TGFB2: variants seen among roughly 807,000 people sequenced by gnomAD.
TGFB2 encodes transforming growth factor beta 2, also known as transforming growth factor beta-2 proprotein.
TGFB2 carries 13 observed loss-of-function variants against 42.7 expected under a neutral mutation model. That is an observed-to-expected ratio of 0.30 (90% CI 0.20 to 0.48). The LOEUF is 0.48. Ranked by LOEUF, TGFB2 falls within the 20% of genes least tolerant of loss-of-function variation. The pLI, the probability that TGFB2 is intolerant of heterozygous loss-of-function variation, is 0.99. For missense variants in TGFB2, 390 were observed against 517.5 expected (o/e 0.75, Z 2.39); for synonymous variants, 193 against 193.6 (o/e 1.00, Z 0.03).
chr1:218,434,483 G>T, intron 4 of TGFB2, 35 bp downstream of exon 4: 1 of 1,326,326 alleles, frequency 7.5e-7, no homozygotes, highest in Non-Finnish European at 1.1e-6. Flanking sequence ...GTGGGGGAGG[G>T]AAGGGTCTAT....
chr1:218,371,510 C>T (rs190911719), intron 1 of TGFB2, among the ~76,000 whole-genome samples: 41 of 152,290 alleles, frequency 2.7e-4, no homozygotes, highest in Admixed American at 6.5e-4. Flanking sequence ...CATTCTCCTC[C>T]AATCAAGATG....
At chr1:218,374,182 A>T (rs1012326389) in intron 1 of TGFB2, among the ~76,000 whole-genome samples, 13 of 152,334 alleles carry the variant, frequency 8.5e-5, no homozygotes, top group Middle Eastern at 3.4e-3. Flanking sequence ...TGTAAATCAG[A>T]GTACATACTT....
chr1:218,366,405 G>C (rs12076065), intron 1 of TGFB2, among the ~76,000 whole-genome samples: 5,769 of 151,998 alleles, frequency 0.038, 236 homozygotes, highest in African/African-American at 0.1. Flanking sequence ...CTCCTGGGCT[G>C]AAGCAATCCT....
chr1:218,394,133 T>G (rs1658414882), intron 1 of TGFB2, among the ~76,000 whole-genome samples: 1 of 152,080 alleles, frequency 6.6e-6, no homozygotes, highest in Admixed American at 6.5e-5. Context: ...ATGGTCTCGA[T>G]CTCCTGACCT....
At chr1:218,397,128 C>G (rs13375381) in intron 1 of TGFB2, among the ~76,000 whole-genome samples, 3,436 of 151,596 alleles carry the variant, frequency 0.023, 58 homozygotes, top group African/African-American at 0.043. Flanking sequence ...ATTAGCCAGG[C>G]GTGGTGGCAG....
intron 1 of TGFB2, among the ~76,000 whole-genome samples, chr1:218,372,638 G>A (rs773837124): frequency 6.6e-6 from 1 of 152,198 alleles, no homozygotes; most frequent in Non-Finnish European, 1.5e-5. Flanking sequence ...TAGGTGCACT[G>A]GTACCATGGC....
At chr1:218,377,976 G>A (rs1334411297) in intron 1 of TGFB2, among the ~76,000 whole-genome samples, 1 of 151,892 alleles carries the variant, frequency 6.6e-6, no homozygotes, top group Non-Finnish European at 1.5e-5. Flanking sequence ...TTGTTTGTTT[G>A]TTTGTTTGTT....
intron 1 of TGFB2, among the ~76,000 whole-genome samples, chr1:218,373,184 A>G (rs886741833): frequency 3.9e-5 from 6 of 152,148 alleles, no homozygotes; most frequent in African/African-American, 1.2e-4. Flanking sequence ...GTCTCAAAAA[A>G]AAGTTTCCCA....
intron 2 of TGFB2, among the ~76,000 whole-genome samples, chr1:218,414,322 A>G (rs1177381500): frequency 6.6e-6 from 1 of 152,180 alleles, no homozygotes; most frequent in Non-Finnish European, 1.5e-5. Context: ...AGGTCAGCCA[A>G]AAAACTGTCT....
chr1:218,387,900 A>T (rs1240623649), intron 1 of TGFB2, among the ~76,000 whole-genome samples: 1 of 152,178 alleles, frequency 6.6e-6, no homozygotes, highest in Non-Finnish European at 1.5e-5. Flanking sequence ...GAGATATTTG[A>T]AAGGGTTCAC....
chr1:218,347,437 G>A (rs1656724104), intron 1 of TGFB2, among the ~76,000 whole-genome samples: 1 of 152,112 alleles, frequency 6.6e-6, no homozygotes, highest in Non-Finnish European at 1.5e-5. Context: ...GCTCCGATTG[G>A]CGTGGAGCGC....
chr1:218,442,447 T>A lies in TGFB2; in HGVS notation c.*1085T>A, dbSNP rs1473858413. The A allele has an allele frequency of 1.3e-5, 2 of 152,188 alleles. No individual in the cohort carries two copies. Among genetic ancestry groups the A allele is most frequent in the African/African-American group, 4.8e-5 (2 of 41,456 alleles). 9.4% of individuals were successfully genotyped at this position (152,188 alleles called of 1,614,324 possible). A position where few individuals can be genotyped will look rare whatever the true frequency, so the allele number is the denominator to read the frequency against. The stretch of plus-strand genomic sequence containing the variant: ...GTAAATTTTTACCATATTTTTTATA[T>A]TCTGTAATAATGTCAACTATGATTT... On this transcript the variant is annotated 3_prime_UTR_variant, in exon 7 of 7. Transcript: ENST00000366930.
intron 4 of TGFB2, 124 bp downstream of exon 4, chr1:218,434,572 G>A: frequency 1.5e-6 from 1 of 652,226 alleles, no homozygotes. Context: ...TCATTCATTT[G>A]GACAGTGATA....
intron 2 of TGFB2, among the ~76,000 whole-genome samples, chr1:218,427,961 G>T (rs1357833897): frequency 6.6e-6 from 1 of 152,158 alleles, no homozygotes; most frequent in Non-Finnish European, 1.5e-5. Context: ...CAGTGTAAAA[G>T]TGTTCCTATT....
At chr1:218,431,758 G>A (rs1028246286) in intron 2 of TGFB2, among the ~76,000 whole-genome samples, 1 of 152,194 alleles carries the variant, frequency 6.6e-6, no homozygotes, top group Non-Finnish European at 1.5e-5. Flanking sequence ...TAGTCAATGA[G>A]GCAGATCAGA....
chr1:218,420,508 C>T (rs558716012), intron 2 of TGFB2, among the ~76,000 whole-genome samples: 1 of 152,044 alleles, frequency 6.6e-6, no homozygotes, highest in Non-Finnish European at 1.5e-5. Context: ...CTTGTTTATG[C>T]ACATGTGCAT....
rs548779183 is a variant in TGFB2 at position 218,346,352 on chromosome 1, C to T, written c.-350C>T. 1.6e-4 allele frequency: 32 copies of T among 199,584 alleles called. No individual in the cohort carries two copies. Among genetic ancestry groups the T allele is most frequent in the African/African-American group, 5.4e-4 (23 of 42,618 alleles). The allele number at this position is 199,584 out of a possible 1,614,324, so 12.4% of individuals were successfully genotyped here. ...CACCCGAGACTGACACACTGAACTC[C>T]ACTTCCTCCTCTTAAATTTATTTCT... On this transcript the variant is annotated 5_prime_UTR_variant, in exon 1 of 7. Transcript: ENST00000366930. The surrounding 1 kb of genome is among the most constrained non-coding windows in gnomAD (Gnocchi z 4.9).
intron 1 of TGFB2, among the ~76,000 whole-genome samples, chr1:218,353,177 G>A (rs1656921567): frequency 6.6e-6 from 1 of 152,164 alleles, no homozygotes; most frequent in Admixed American, 6.5e-5. Flanking sequence ...GATACCCCAG[G>A]AACCACTTCC....
At chr1:218,350,276 AC>A (rs1656828029) in intron 1 of TGFB2, among the ~76,000 whole-genome samples, 1 of 152,090 alleles carries the variant, frequency 6.6e-6, no homozygotes, top group Non-Finnish European at 1.5e-5. Context: ...TGTGGTTCTA[AC>A]CCTGGTGATT....
Sources: gnomAD v4.1 joint callset for allele counts (sites outside exome capture counted in the v4.1 genomes callset) on GRCh38, gnomAD v4.1.1 for gene constraint, Gnocchi (gnomAD v3.1) non-coding constraint, MANE v1.5 for transcripts, NCBI Gene and HGNC (gene_info 2026-07-23, HGNC 2026-07-21) for gene names.